Variants in TNFSF4 observed in about 807,000 individuals in gnomAD.
The protein encoded by TNFSF4 is TNF superfamily member 4.
TNFSF4 carries 4 observed loss-of-function variants against 7.3 expected under a neutral mutation model. That is an observed-to-expected ratio of 0.55 (90% confidence interval 0.27 to 1.25). The LOEUF is 1.25. Among genes scored for constraint, TNFSF4 ranks in the 50% most tolerant of loss-of-function variants. TNFSF4 has a pLI of 0.12. For synonymous variants in TNFSF4, 76 were observed against 83.7 expected, an observed-to-expected ratio of 0.91 and a Z score of 0.50; for missense variants, 181 against 208.8, an observed-to-expected ratio of 0.87 and a Z score of 0.82.
the TNFSF4 span, among the ~76,000 whole-genome samples, chr1:173,425,585 A>G: frequency 2.4e-4 from 37 of 152,376 alleles, no homozygotes; most frequent in African/African-American, 7.9e-4. Context: ...GAGCAGATTT[A>G]GAAGCAAAGT....
chr1:173,396,761 T>C, the TNFSF4 span, among the ~76,000 whole-genome samples: 3 of 152,092 alleles, frequency 2.0e-5, no homozygotes, highest in Non-Finnish European at 2.9e-5. Context: ...TTTAGGGAAA[T>C]TGGAATCTTA....
At chr1:173,350,772 T>G in the TNFSF4 span, among the ~76,000 whole-genome samples, 6 of 152,192 alleles carry the variant, frequency 3.9e-5, no homozygotes, top group African/African-American at 1.4e-4. Flanking sequence ...GGTCTCACAC[T>G]GGCAATTCAA....
At chr1:173,362,187 A>G in the TNFSF4 span, among the ~76,000 whole-genome samples, 46 of 152,364 alleles carry the variant, frequency 3.0e-4, no homozygotes, top group African/African-American at 9.9e-4. Flanking sequence ...TTGAGAGTTT[A>G]TAATAAAGAA....
At chr1:173,362,697 C>T in the TNFSF4 span, 1 of 410,912 alleles carries the variant, frequency 2.4e-6, no homozygotes, top group Non-Finnish European at 4.8e-6. Flanking sequence ...TTAATGCTGT[C>T]AGAGGAGGGA....
chr1:173,328,213 G>A, the TNFSF4 span, among the ~76,000 whole-genome samples: 2 of 152,010 alleles, frequency 1.3e-5, no homozygotes, highest in African/African-American at 4.8e-5. Context: ...AGGGACATGG[G>A]TGAAGCTGAA....
chr1:173,205,407 C>T (rs1294402134), intron 1 of TNFSF4: 23 of 1,604,858 alleles, frequency 1.4e-5, no homozygotes, highest in Non-Finnish European at 2.0e-5. Flanking sequence ...GAAAGGATCC[C>T]CTCTTTTTCT....
At chr1:173,224,218 A>T in the TNFSF4 span, among the ~76,000 whole-genome samples, 19 of 152,242 alleles carry the variant, frequency 1.2e-4, no homozygotes, top group Non-Finnish European at 2.5e-4. Flanking sequence ...TATTCCATGC[A>T]CAAACACAAA....
the TNFSF4 span, among the ~76,000 whole-genome samples, chr1:173,242,871 A>C: frequency 6.6e-6 from 1 of 152,108 alleles, no homozygotes; most frequent in Admixed American, 6.6e-5. Flanking sequence ...CAAAACTGTA[A>C]AATAATAAAT....
chr1:173,217,672 T>C, the TNFSF4 span, among the ~76,000 whole-genome samples: 1 of 152,226 alleles, frequency 6.6e-6, no homozygotes, highest in Non-Finnish European at 1.5e-5. Flanking sequence ...ATCTAAATGA[T>C]AATATTTTGG....
the TNFSF4 span, among the ~76,000 whole-genome samples, chr1:173,259,011 C>T: frequency 6.6e-6 from 1 of 152,168 alleles, no homozygotes; most frequent in Non-Finnish European, 1.5e-5. Flanking sequence ...CTTCATTAAG[C>T]AGGTCCCCGA....
intron 1 of TNFSF4, among the ~76,000 whole-genome samples, chr1:173,202,061 ATATATATAT>A (rs1464838149): frequency 6.8e-6 from 1 of 147,458 alleles, no homozygotes; most frequent in East Asian, 2.0e-4. Flanking sequence ...ATATATACAT[ATATATATAT>A]ACACACACAC....
At chr1:173,386,852 G>A in the TNFSF4 span, among the ~76,000 whole-genome samples, 1 of 152,224 alleles carries the variant, frequency 6.6e-6, no homozygotes, top group African/African-American at 2.4e-5. Context: ...AAGATTTAAT[G>A]TTGTTTGTCT....
intron 1 of TNFSF4, chr1:173,205,166 A>T (rs1650128326): frequency 1.1e-6 from 1 of 926,802 alleles, no homozygotes; most frequent in Non-Finnish European, 1.6e-6. Flanking sequence ...AAGAACTTCA[A>T]ATATCCTGAG....
the TNFSF4 span, among the ~76,000 whole-genome samples, chr1:173,228,551 C>T: frequency 3.9e-5 from 6 of 152,238 alleles, no homozygotes; most frequent in Non-Finnish European, 5.9e-5. Flanking sequence ...CACAGCTCCT[C>T]GCCAGCAATG....
the TNFSF4 span, among the ~76,000 whole-genome samples, chr1:173,403,371 T>G: frequency 6.6e-6 from 1 of 152,302 alleles, no homozygotes; most frequent in East Asian, 1.9e-4. Context: ...ATAGATGCAT[T>G]TTTATGCTCC....
the TNFSF4 span, among the ~76,000 whole-genome samples, chr1:173,283,137 T>G: frequency 1.3e-5 from 2 of 152,178 alleles, no homozygotes; most frequent in African/African-American, 4.8e-5. Context: ...ACATGGTTCC[T>G]GAAGACCTCC....
chr1:173,366,333 A>T, the TNFSF4 span, among the ~76,000 whole-genome samples: 1 of 152,184 alleles, frequency 6.6e-6, no homozygotes, highest in Non-Finnish European at 1.5e-5. Flanking sequence ...ATTTGCAACA[A>T]CATAGACGGA....
At chr1:173,297,987 G>A in the TNFSF4 span, among the ~76,000 whole-genome samples, 2 of 151,986 alleles carry the variant, frequency 1.3e-5, no homozygotes, top group Admixed American at 6.6e-5. Context: ...CAACGTTTCC[G>A]ATGCTGTGGG....
At chr1:173,267,582 T>C in the TNFSF4 span, among the ~76,000 whole-genome samples, 1 of 152,176 alleles carries the variant, frequency 6.6e-6, no homozygotes, top group Non-Finnish European at 1.5e-5. Context: ...CTCAGTGGTT[T>C]AAAACAAGAA....
Sources: allele counts gnomAD v4.1 joint callset (sites outside exome capture counted in the v4.1 genomes callset), GRCh38; gene constraint gnomAD v4.1.1; transcripts MANE v1.5; gene names NCBI Gene and HGNC (gene_info 2026-07-23, HGNC 2026-07-21).